BMP6: variants seen among roughly 807,000 people sequenced by gnomAD.
BMP6 encodes VG-1-R.
Under a neutral mutation model 54.1 loss-of-function variants are expected in BMP6, and 17 were observed. The observed-to-expected ratio is 0.31, with a 90% CI of 0.22 to 0.47. The LOEUF is 0.47. Among genes scored for constraint, BMP6 ranks in the 20% least tolerant of loss-of-function variants. The probability of loss-of-function intolerance (pLI) is 1.00; values close to 1 mark genes in which losing one functional copy is unlikely to be tolerated. For missense variants in BMP6, 720 were observed against 690.4 expected (o/e 1.04, Z -0.48); for synonymous variants, 328 against 291.2 (o/e 1.13, Z -1.28).
intron 1 of BMP6, among the ~76,000 whole-genome samples, chr6:7,808,957 C>T (rs1283332818): frequency 1.3e-5 from 2 of 149,062 alleles, no homozygotes; most frequent in Admixed American, 6.7e-5. Context: ...CATTCACCTA[C>T]TCTGATCAGA....
At chr6:7,848,191 A>AGG (rs1167286012) in intron 2 of BMP6, among the ~76,000 whole-genome samples, 1 of 152,188 alleles carries the variant, frequency 6.6e-6, no homozygotes, top group East Asian at 1.9e-4. Context: ...GAATTATGGA[A>AGG]GGGGGTCAAG....
In BMP6 at chr6:7,842,930, T is replaced by C. The variant is rs1171222038; in HGVS notation, c.665-2210T>C. 2.0e-5 allele frequency among the ~76,000 whole-genome samples: 3 copies of C among 152,372 alleles called. No individual in the cohort carries two copies. The East Asian group carries it at 5.8e-4, about 29-fold the overall frequency. Reference sequence around the variant, plus strand: ...AAAATATTATTTTCATTTAGTAATATTACAATTAGGCCTCCAAAAAGCTCT... The same window carrying C: ...AAAATATTATTTTCATTTAGTAATACTACAATTAGGCCTCCAAAAAGCTCT... On this transcript the variant is annotated intron_variant, in intron 1 of 6. Coordinates refer to ENST00000283147, the MANE Select transcript of BMP6 (RefSeq NM_001718.6).
chr6:7,879,024 G>A, intron 4 of BMP6, 50 bp from the exon 5 acceptor site: 4 of 1,552,924 alleles, frequency 2.6e-6, no homozygotes, highest in Non-Finnish European at 3.6e-6. Context: ...GAATTAATGA[G>A]TTGATGGGTG....
At chr6:7,862,741 C>T (rs972486050) in intron 4 of BMP6, among the ~76,000 whole-genome samples, 1 of 152,288 alleles carries the variant, frequency 6.6e-6, no homozygotes, top group Admixed American at 6.5e-5. Flanking sequence ...GCCTGTTGAT[C>T]CAGACAAGCA....
At position 7,880,496 on chromosome 6, in the gene BMP6, C is replaced by T; in HGVS notation, c.*153C>T. 9.4e-7 allele frequency: 1 copy of T among 1,060,482 alleles called. No homozygotes were observed. Among genetic ancestry groups the T allele is most frequent in the African/African-American group, 1.6e-5 (1 of 62,358 alleles). 65.7% of individuals were successfully genotyped at this position (1,060,482 alleles called of 1,614,324 possible). On this transcript the variant is annotated 3_prime_UTR_variant, in exon 7 of 7. Transcript: ENST00000283147. ...TATTACCCAGGAAGATTTTAAAGGA[C>T]CTCATTAATAATTTGCTCACTTGGT...
At chr6:7,753,620 G>A (rs1757459121) in intron 1 of BMP6, among the ~76,000 whole-genome samples, 1 of 152,182 alleles carries the variant, frequency 6.6e-6, no homozygotes, top group African/African-American at 2.4e-5. Context: ...AGGTAAAGGA[G>A]AGAAGTCATA....
chr6:7,805,066 C>T (rs1480753008), intron 1 of BMP6, among the ~76,000 whole-genome samples: 3 of 152,066 alleles, frequency 2.0e-5, no homozygotes, highest in Non-Finnish European at 4.4e-5. Flanking sequence ...AAAGTTTAAC[C>T]CTATTTATAT....
intron 1 of BMP6, among the ~76,000 whole-genome samples, chr6:7,790,829 G>A (rs115783799): frequency 0.015 from 2,227 of 152,204 alleles, 53 homozygotes; most frequent in African/African-American, 0.05. Flanking sequence ...CTTGTCACAC[G>A]GAGGATTCTA....
At position 7,869,629 on chromosome 6, in the gene BMP6, G is replaced by A. The variant is rs560012895; in HGVS notation, c.1204+7131G>A. 3.3e-5 allele frequency among the ~76,000 whole-genome samples: 5 copies of A among 152,300 alleles called. No individual in the cohort carries two copies. In the East Asian group the frequency reaches 9.6e-4, roughly 29 times the overall value. Reference sequence around the variant, plus strand: ...TGGGACGATTAGGATGCCCTGCCCCGTCACTGTCACATGGGCCCCGGCAGC... The same window carrying A: ...TGGGACGATTAGGATGCCCTGCCCCATCACTGTCACATGGGCCCCGGCAGC... On this transcript the variant is annotated intron_variant, in intron 4 of 6. Transcript: ENST00000283147.
At chr6:7,766,294 T>C (rs766882534) in intron 1 of BMP6, among the ~76,000 whole-genome samples, 5 of 152,182 alleles carry the variant, frequency 3.3e-5, no homozygotes, top group Non-Finnish European at 7.3e-5. Context: ...CTACCTCTAA[T>C]AATGAGCTAA....
In BMP6 at chr6:7,880,664, A is replaced by G. The variant is rs1759703339; in HGVS notation, c.*321A>G. The G allele has an allele frequency of 5.3e-6, 2 of 376,614 alleles. No homozygotes were observed. The highest frequency in any genetic ancestry group is 3.4e-5 in the South Asian group (1 of 29,226). The allele number at this position is 376,614 out of a possible 1,614,324, so 23.3% of individuals were successfully genotyped here. ...CCACCAAAATTAGTTTTAGCTGTAG[A>G]TCAAGCTATTTGGGGTGTTTGTTAG... On this transcript the variant is annotated 3_prime_UTR_variant, in exon 7 of 7. Coordinates refer to ENST00000283147, the MANE Select transcript of BMP6 (RefSeq NM_001718.6).
rs533782215 is a variant in BMP6 at position 7,734,094 on chromosome 6, T to C, written c.664+6475T>C. Among the ~76,000 whole-genome samples, 13 of 152,322 alleles carry C rather than the reference T, an allele frequency of 8.5e-5. No individual in the cohort carries two copies. In the South Asian group the frequency reaches 2.5e-3, roughly 29 times the overall value. ...CTATACTTTTTTTCCAATGTGAATA[T>C]GTAGTATTTCAGCACCCTATGCATA... On this transcript the variant is annotated intron_variant, in intron 1 of 6. Coordinates refer to ENST00000283147, the MANE Select transcript of BMP6 (RefSeq NM_001718.6).
At chr6:7,808,405 T>C (rs116832944) in intron 1 of BMP6, among the ~76,000 whole-genome samples, 57 of 152,314 alleles carry the variant, frequency 3.7e-4, no homozygotes, top group African/African-American at 1.3e-3. Flanking sequence ...TCAGAGCCTC[T>C]TGGGGGGGCG....
chr6:7,754,712 T>G (rs1561760602), intron 1 of BMP6, among the ~76,000 whole-genome samples: 1 of 152,120 alleles, frequency 6.6e-6, no homozygotes, highest in Admixed American at 6.5e-5. Context: ...TCTAACCTTT[T>G]TTGTTGTTGT....
At chr6:7,766,050 G>C (rs1163361092) in intron 1 of BMP6, among the ~76,000 whole-genome samples, 1 of 152,134 alleles carries the variant, frequency 6.6e-6, no homozygotes, top group Non-Finnish European at 1.5e-5. Flanking sequence ...AGCTTCCAGG[G>C]ATCAGGATGA....
intron 1 of BMP6, among the ~76,000 whole-genome samples, chr6:7,758,179 A>G (rs775228191): frequency 7.9e-5 from 12 of 152,222 alleles, no homozygotes; most frequent in Non-Finnish European, 1.6e-4. Context: ...ATATTGCCTT[A>G]TGTTATAGTC....
chr6:7,824,150 G>T (rs2113227509), intron 1 of BMP6, among the ~76,000 whole-genome samples: 1 of 152,246 alleles, frequency 6.6e-6, no homozygotes, highest in Non-Finnish European at 1.5e-5. Context: ...GGGCAGGCAG[G>T]GTTTGCTGGT....
intron 1 of BMP6, among the ~76,000 whole-genome samples, chr6:7,778,180 C>T (rs1032625677): frequency 6.6e-6 from 1 of 152,098 alleles, no homozygotes; most frequent in African/African-American, 2.4e-5. Context: ...CGTGACGTAT[C>T]TTTTACACCC....
intron 1 of BMP6, among the ~76,000 whole-genome samples, chr6:7,766,746 A>G (rs1033646291): frequency 2.6e-5 from 4 of 152,182 alleles, no homozygotes; most frequent in African/African-American, 9.7e-5. Flanking sequence ...AAAATCAGTT[A>G]TATATTTTGA....
Sources: gnomAD v4.1 joint callset for allele counts (sites outside exome capture counted in the v4.1 genomes callset) on GRCh38, gnomAD v4.1.1 for gene constraint, MANE v1.5 for transcripts, NCBI Gene and HGNC (gene_info 2026-07-23, HGNC 2026-07-21) for gene names.